Variants in MGAT3 observed in about 807,000 individuals in gnomAD.
The protein encoded by MGAT3 is beta-1,4-mannosyl-glycoprotein 4-beta-N-acetylglucosaminyltransferase.
MGAT3 carries 9 observed loss-of-function variants against 29.8 expected under a neutral mutation model. That is an observed-to-expected ratio of 0.30 (90% CI 0.18 to 0.53). MGAT3 has a LOEUF of 0.53. MGAT3 is among the 20% of genes least tolerant of loss of function. The probability of loss-of-function intolerance (pLI) is 0.96; values close to 1 mark genes in which losing one functional copy is unlikely to be tolerated. For synonymous variants in MGAT3, 397 were observed against 348.9 expected, an observed-to-expected ratio of 1.14 and a Z score of -1.54; for missense variants, 557 against 769.5, an observed-to-expected ratio of 0.72 and a Z score of 3.27.
At chr22:39,459,697 G>A (rs557675231) in intron 1 of MGAT3, among the ~76,000 whole-genome samples, 1 of 152,294 alleles carries the variant, frequency 6.6e-6, no homozygotes, top group African/African-American at 2.4e-5. Flanking sequence ...TGAACTCCTG[G>A]GCTCAAGTGA....
At chr22:39,482,526 C>T (rs1203353375) in intron 1 of MGAT3, among the ~76,000 whole-genome samples, 1 of 152,178 alleles carries the variant, frequency 6.6e-6, no homozygotes, top group Non-Finnish European at 1.5e-5. Flanking sequence ...TCGTTTTCTC[C>T]ATCTGTTAAA....
intron 1 of MGAT3, among the ~76,000 whole-genome samples, chr22:39,471,165 C>T (rs756683019): frequency 5.9e-5 from 9 of 152,196 alleles, no homozygotes; most frequent in Non-Finnish European, 4.4e-5. Flanking sequence ...GGGGCAGGGG[C>T]ATTCTGACCT....
intron 1 of MGAT3, among the ~76,000 whole-genome samples, chr22:39,471,663 C>T (rs1928815371): frequency 6.6e-6 from 1 of 152,168 alleles, no homozygotes; most frequent in South Asian, 2.1e-4. Context: ...CCCCACACCA[C>T]ACAGGGCATC....
chr22:39,467,201 C>G (rs1928673609), intron 1 of MGAT3, among the ~76,000 whole-genome samples: 1 of 152,234 alleles, frequency 6.6e-6, no homozygotes, highest in Non-Finnish European at 1.5e-5. Context: ...AGAGTGCCCA[C>G]CAAGCAGGTG....
chr22:39,483,907 A>AG (rs1370912948), intron 1 of MGAT3, among the ~76,000 whole-genome samples: 2 of 152,142 alleles, frequency 1.3e-5, no homozygotes, highest in Non-Finnish European at 1.5e-5. Flanking sequence ...GGACAGCTCC[A>AG]GGGGGGCAGG....
Position 39,489,060 on chromosome 22 carries a change from G to A in MGAT3, c.*111G>A, listed in dbSNP as rs1929378294. ...GTTCTTGAGGGGACCAGGAGTGGGT[G>A]GGGAGTGGGGGTGGGGGTAGGGTTT... On this transcript the variant is annotated 3_prime_UTR_variant, in exon 2 of 2. Coordinates refer to ENST00000341184, the MANE Select transcript of MGAT3 (RefSeq NM_002409.5). 8.0e-7 allele frequency: 1 copy of A among 1,249,500 alleles called. No individual in the cohort carries two copies. The highest frequency in any genetic ancestry group is 1.1e-6 in the Non-Finnish European group (1 of 921,688). The allele number at this position is 1,249,500 out of a possible 1,614,324, so 77.4% of individuals were successfully genotyped here.
chr22:39,487,599 G>A lies in MGAT3; in HGVS notation c.252G>A (p.Leu84=), dbSNP rs201450879. The A allele has an allele frequency of 1.2e-5, 20 of 1,611,330 alleles. No individual in the cohort carries two copies. The highest frequency in any genetic ancestry group is 1.6e-5 in the Non-Finnish European group (19 of 1,179,316). The change falls in exon 2 of 2, where the codon CTG becomes CTA. Residue 84 remains leucine (L), a synonymous_variant. Coordinates refer to ENST00000341184, the MANE Select transcript of MGAT3 (RefSeq NM_002409.5). This position sits in a 1 kb window ranked among gnomAD's most constrained non-coding sequence, Gnocchi z 5.7. ...CCCACTCGCCCCTGCTGCAGCCGCT[G>A]CCGCCCAGCAAGGCGGCCGAGGAGC... The part of the protein sequence containing the change: ...LYSHSPLLQP[L]PPSKAAEELH...
rs1432556333 is a variant in MGAT3 at position 39,489,965 on chromosome 22, GC to G, written c.*1019del. ...GAAAGGGGCCATGAGGCTGTCTTGG[GC>G]CCAAAAAGGGACAATAAGGCCAGTT... On this transcript the variant is annotated 3_prime_UTR_variant, in exon 2 of 2. Transcript: ENST00000341184. The G allele has an allele frequency of 6.0e-6, 1 of 167,394 alleles. No homozygotes were observed. Among genetic ancestry groups the G allele is most frequent in the Non-Finnish European group, 1.5e-5 (1 of 68,234 alleles). The allele number at this position is 167,394 out of a possible 1,614,324, so 10.4% of individuals were successfully genotyped here.
In MGAT3 at chr22:39,460,563, C is replaced by T. The variant is rs5750837; in HGVS notation, c.-2+3006C>T. On this transcript the variant is annotated intron_variant, in intron 1 of 1. Transcript: ENST00000341184. Reference sequence around the variant, plus strand: ...CTGTAATCCCAACAGTTTGGGAGGCCGAGGTGGGTGGATCACCTGAGGTCA... The same window carrying T: ...CTGTAATCCCAACAGTTTGGGAGGCTGAGGTGGGTGGATCACCTGAGGTCA... Among the ~76,000 whole-genome samples the T allele has an allele frequency of 2.7e-4, 41 of 152,108 alleles. 1 individual carries two copies. The highest frequency in any genetic ancestry group is 2.9e-5 in the Non-Finnish European group (2 of 68,018).
intron 1 of MGAT3, among the ~76,000 whole-genome samples, chr22:39,460,356 G>C (rs1928462921): frequency 6.6e-6 from 1 of 152,152 alleles, no homozygotes; most frequent in Non-Finnish European, 1.5e-5. Context: ...ACCTAGCCCT[G>C]TGCTGGCTGC....
intron 1 of MGAT3, among the ~76,000 whole-genome samples, chr22:39,459,639 A>G (rs186997495): frequency 2.0e-4 from 30 of 151,446 alleles, no homozygotes; most frequent in African/African-American, 6.8e-4. Context: ...AATTTTTTAA[A>G]AAGTTTTTAA....
rs745556708 is a variant in MGAT3, at chr22:39,488,106, C to A, written c.759C>A (p.Phe253Leu). The A allele has an allele frequency of 1.2e-6, 2 of 1,612,712 alleles. No individual in the cohort carries two copies. The highest frequency in any genetic ancestry group is 1.7e-5 in the Admixed American group (1 of 60,010). The change falls in exon 2 of 2, where the codon TTC becomes TTA. Residue 253 changes from phenylalanine (F) to leucine (L), a missense_variant. This residue lies in a region of MGAT3 where 243 missense variants were observed against 444.0 expected (regional missense o/e 0.55). Transcript: ENST00000341184. Reference sequence around the variant, plus strand: ...ATGGGGAGCCGCGGCCGCTCAAGTTCCGGGAGATGCTGACCAATGGCACCT... The same window carrying A: ...ATGGGGAGCCGCGGCCGCTCAAGTTACGGGAGATGCTGACCAATGGCACCT... ...TAYGEPRPLK[F>L]REMLTNGTFE...
chr22:39,483,134 C>T (rs1415335126), intron 1 of MGAT3, among the ~76,000 whole-genome samples: 1 of 152,212 alleles, frequency 6.6e-6, no homozygotes. Context: ...CCATGCCTGC[C>T]ACATAGCTTA....
chr22:39,472,967 G>A (rs542774162), intron 1 of MGAT3: 1 of 152,522 alleles, frequency 6.6e-6, no homozygotes, highest in South Asian at 2.1e-4. Flanking sequence ...GTCTTGGGGA[G>A]TGTGGGCCAC....
chr22:39,475,721 C>G (rs1928939504), intron 1 of MGAT3: 1 of 152,512 alleles, frequency 6.6e-6, no homozygotes, highest in Non-Finnish European at 1.5e-5. Flanking sequence ...GGTGCTGGCA[C>G]GATGGACCCG....
At chr22:39,458,630 G>A (rs2145705858) in intron 1 of MGAT3, among the ~76,000 whole-genome samples, 1 of 152,300 alleles carries the variant, frequency 6.6e-6, no homozygotes, top group East Asian at 1.9e-4. Context: ...TGGGTCCTAG[G>A]AAGGTTTGAA....
chr22:39,468,978 A>G (rs1423996816), intron 1 of MGAT3, among the ~76,000 whole-genome samples: 1 of 151,942 alleles, frequency 6.6e-6, no homozygotes, highest in Non-Finnish European at 1.5e-5. Flanking sequence ...GAGGGGCAGC[A>G]TCAGATGTGG....
chr22:39,488,716 G>A lies in MGAT3; in HGVS notation c.1369G>A (p.Gly457Ser), dbSNP rs1601731958. 1.9e-6 allele frequency: 3 copies of A among 1,613,790 alleles called. No homozygotes were observed. Among genetic ancestry groups the A allele is most frequent in the African/African-American group, 1.3e-5 (1 of 75,036 alleles). ...CAAGCGGGACCTGAACTACATCCGCGGCCTGATCCGCACCGGGGGCTGGTT... is the reference window on the plus strand; with the variant it reads ...CAAGCGGGACCTGAACTACATCCGCAGCCTGATCCGCACCGGGGGCTGGTT... ...EDKRDLNYIR[G>S]LIRTGGWFDG... is the part of the protein sequence containing the mutation. The change falls in exon 2 of 2, where the codon GGC (glycine) becomes AGC (serine). Residue 457 changes from glycine (G) to serine (S), a missense_variant. This residue lies in a region of MGAT3 where 243 missense variants were observed against 444.0 expected (regional missense o/e 0.55). Transcript: ENST00000341184.
chr22:39,470,211 T>TG (rs1161715447), intron 1 of MGAT3, among the ~76,000 whole-genome samples: 5 of 151,852 alleles, frequency 3.3e-5, no homozygotes, highest in African/African-American at 1.2e-4. Flanking sequence ...GGATGAGCGC[T>TG]GGGGGGACAG....
Sources: gnomAD v4.1 joint callset for allele counts (sites outside exome capture counted in the v4.1 genomes callset) on GRCh38, gnomAD v4.1.1 for gene constraint, gnomAD v4.1.1 regional missense constraint, Gnocchi (gnomAD v3.1) non-coding constraint, MANE v1.5 for transcripts, NCBI Gene and HGNC (gene_info 2026-07-23, HGNC 2026-07-21) for gene names.